FGD5: variants seen among roughly 807,000 people sequenced by gnomAD.
FGD5 encodes the protein FYVE, RhoGEF and PH domain containing 5, also known as FYVE, RhoGEF and PH domain-containing protein 5.
FGD5 carries 28 observed loss-of-function variants against 133.4 expected under a neutral mutation model. That is an observed-to-expected ratio of 0.21 (90% CI 0.16 to 0.29). The LOEUF is 0.29. Among genes scored for constraint, FGD5 ranks in the 10% least tolerant of loss-of-function variants. FGD5 has a pLI of 1.00. For synonymous variants in FGD5, 810 were observed against 776.5 expected, an observed-to-expected ratio of 1.04 and a Z score of -0.72; for missense variants, 1,858 against 1,895.2, an observed-to-expected ratio of 0.98 and a Z score of 0.36.
chr3:14,837,214 C>G (rs2036832674), intron 1 of FGD5, among the ~76,000 whole-genome samples: 1 of 152,188 alleles, frequency 6.6e-6, no homozygotes, highest in Non-Finnish European at 1.5e-5. Flanking sequence ...GTCCCTGACT[C>G]TTTCAGCCCT....
intron 4 of FGD5, chr3:14,897,162 C>T (rs539517354): frequency 2.5e-5 from 6 of 237,598 alleles, no homozygotes; most frequent in Non-Finnish European, 4.8e-5. Flanking sequence ...GCAAAACCTT[C>T]TGCTTCGTTA....
At chr3:14,824,967 T>TC (rs2036573967) in intron 1 of FGD5, among the ~76,000 whole-genome samples, 1 of 152,190 alleles carries the variant, frequency 6.6e-6, no homozygotes, top group Admixed American at 6.5e-5. Context: ...ACAGAGACTT[T>TC]CTACCTGGCA....
chr3:14,879,112 A>G (rs996530973), intron 2 of FGD5, among the ~76,000 whole-genome samples: 1 of 152,246 alleles, frequency 6.6e-6, no homozygotes, highest in Non-Finnish European at 1.5e-5. Context: ...TCTTAAGTTT[A>G]GTAACACACA....
chr3:14,922,466 TCACA>T lies in FGD5; in HGVS notation c.3729_3732del (p.His1244SerfsTer2). The T allele has an allele frequency of 6.3e-7, 1 of 1,576,270 alleles. No individual in the cohort carries two copies. The highest frequency in any genetic ancestry group is 8.6e-7 in the Non-Finnish European group (1 of 1,161,132). ...GAGAGGCCCCCCACCCTGGTGCCTG[TCACA>T]CACGTCATGATGTGCATGAACTGCG... is the stretch of plus-strand genomic sequence containing the variant. On this transcript the variant is annotated frameshift_variant, in exon 15 of 20. Transcript: ENST00000285046. LOFTEE classifies it high-confidence loss of function. This position sits in a 1 kb window ranked among gnomAD's most constrained non-coding sequence, Gnocchi z 4.1.
chr3:14,913,990 A>G (rs936249793), intron 11 of FGD5, among the ~76,000 whole-genome samples: 4 of 151,668 alleles, frequency 2.6e-5, no homozygotes, highest in Non-Finnish European at 5.9e-5. Context: ...TCCTTCCCTC[A>G]GGGATAGGCC....
chr3:14,850,111 G>A (rs766057306), intron 1 of FGD5, among the ~76,000 whole-genome samples: 1 of 152,180 alleles, frequency 6.6e-6, no homozygotes, highest in Non-Finnish European at 1.5e-5. Flanking sequence ...GTGACTCCCC[G>A]GCCCTTCCTG....
intron 1 of FGD5, among the ~76,000 whole-genome samples, chr3:14,856,695 G>C (rs1156411513): frequency 6.6e-6 from 1 of 151,464 alleles, no homozygotes; most frequent in Non-Finnish European, 1.5e-5. Flanking sequence ...CTAGTTTATT[G>C]TTCATGTATA....
At chr3:14,896,321 C>G (rs1033943188) in intron 4 of FGD5, among the ~76,000 whole-genome samples, 1 of 152,192 alleles carries the variant, frequency 6.6e-6, no homozygotes, top group East Asian at 1.9e-4. Context: ...AGACCCCCAA[C>G]AGCCAAAGCA....
chr3:14,932,726 T>C lies in FGD5; in HGVS notation c.4347T>C (p.Ala1449=), dbSNP rs2038920284. ...TCAAAGCAGAAGATACCAATTCAGC[T>C]CAGAGGTACGAAAAGAACTAATTAG... ...YSFKAEDTNS[A]QRWIEAMEDA... Residue 1449 remains alanine (A), a synonymous_variant, in exon 19 of 20, where the codon GCT becomes GCC. Transcript: ENST00000285046. The C allele has an allele frequency of 6.2e-7, 1 of 1,612,088 alleles. No homozygotes were observed. Among genetic ancestry groups the C allele is most frequent in the Non-Finnish European group, 8.5e-7 (1 of 1,179,426 alleles).
chr3:14,866,762 G>C (rs545447076), intron 2 of FGD5, among the ~76,000 whole-genome samples: 1 of 152,212 alleles, frequency 6.6e-6, no homozygotes, highest in Non-Finnish European at 1.5e-5. Flanking sequence ...AAGTTCAGCC[G>C]GGACTCAGCA....
intron 1 of FGD5, among the ~76,000 whole-genome samples, chr3:14,833,258 G>T (rs958974409): frequency 6.6e-6 from 1 of 152,158 alleles, no homozygotes; most frequent in Non-Finnish European, 1.5e-5. Flanking sequence ...GGGATGATGT[G>T]ACTGGTCTCT....
intron 1 of FGD5, among the ~76,000 whole-genome samples, chr3:14,812,736 A>G (rs2036312432): frequency 6.6e-6 from 1 of 152,206 alleles, no homozygotes; most frequent in Non-Finnish European, 1.5e-5. Flanking sequence ...GACCTTAAGC[A>G]GGTTATTCAA....
chr3:14,899,053 C>A (rs2038189864), intron 7 of FGD5, among the ~76,000 whole-genome samples: 1 of 152,000 alleles, frequency 6.6e-6, no homozygotes, highest in Non-Finnish European at 1.5e-5. Context: ...TCCTAAAACA[C>A]AAAAACCCAA....
rs2038696255 is a variant in FGD5 at position 14,922,173 on chromosome 3, A to C, written c.3669+156A>C. The C allele has an allele frequency of 2.0e-6, 2 of 985,060 alleles. No homozygotes were observed. The highest frequency in any genetic ancestry group is 3.0e-6 in the Non-Finnish European group (2 of 665,394). The allele number at this position is 985,060 out of a possible 1,614,324, so 61.0% of individuals were successfully genotyped here. On this transcript the variant is annotated intron_variant, in intron 14 of 19. Coordinates refer to ENST00000285046, the MANE Select transcript of FGD5 (RefSeq NM_152536.4). This position sits in a 1 kb window ranked among gnomAD's most constrained non-coding sequence, Gnocchi z 4.1. ...CCCCTGCCATGCTCCCACCCTAGTC[A>C]GGGGCGGCCTCCGTGTAACCTAGGA...
intron 1 of FGD5, among the ~76,000 whole-genome samples, chr3:14,811,065 G>A (rs1383891836): frequency 6.6e-6 from 1 of 152,114 alleles, no homozygotes; most frequent in Non-Finnish European, 1.5e-5. Flanking sequence ...GTCCCCGTCC[G>A]AAGCGCCCTG....
intron 1 of FGD5, among the ~76,000 whole-genome samples, chr3:14,823,368 C>T (rs1030721399): frequency 1.3e-5 from 2 of 152,180 alleles, no homozygotes; most frequent in African/African-American, 4.8e-5. Context: ...GTACTCTGAT[C>T]ATGAGGAAGA....
intron 1 of FGD5, among the ~76,000 whole-genome samples, chr3:14,856,532 T>G (rs2037281804): frequency 6.6e-6 from 1 of 152,204 alleles, no homozygotes; most frequent in Non-Finnish European, 1.5e-5. Flanking sequence ...GTTGGTATCC[T>G]CTTTGATTTT....
intron 1 of FGD5, among the ~76,000 whole-genome samples, chr3:14,839,190 G>A (rs187815508): frequency 6.2e-4 from 94 of 152,312 alleles, no homozygotes; most frequent in African/African-American, 2.1e-3. Context: ...CATTTGACCC[G>A]TCATTTCTGA....
intron 2 of FGD5, among the ~76,000 whole-genome samples, chr3:14,870,667 C>T (rs1176824607): frequency 1.3e-5 from 2 of 152,158 alleles, no homozygotes; most frequent in African/African-American, 4.8e-5. Context: ...CAGCCCGTTC[C>T]AGCCATGGCC....
Sources: allele counts gnomAD v4.1 joint callset (sites outside exome capture counted in the v4.1 genomes callset), GRCh38; gene constraint gnomAD v4.1.1; non-coding constraint Gnocchi (gnomAD v3.1); transcripts MANE v1.5; gene names NCBI Gene and HGNC (gene_info 2026-07-23, HGNC 2026-07-21).